VRK2: variants seen among roughly 807,000 people sequenced by gnomAD.
VRK2 encodes serine/threonine-protein kinase VRK2.
VRK2 carries 60 observed loss-of-function variants against 57.6 expected under a neutral mutation model. The observed-to-expected ratio is 1.04, with a 90% confidence interval of 0.85 to 1.29. The LOEUF (loss-of-function observed/expected upper bound fraction) is 1.29. Ranked by LOEUF, VRK2 falls within the 50% of genes most tolerant of loss-of-function variation. The pLI, the probability that VRK2 is intolerant of heterozygous loss-of-function variation, is 0.00. For missense variants in VRK2, 705 were observed against 588.1 expected (o/e 1.20, Z -2.06); for synonymous variants, 231 against 199.2 (o/e 1.16, Z -1.35).
chr2:58,096,719 ACTTTTT>A (rs1673193330), intron 7 of VRK2, among the ~76,000 whole-genome samples: 2 of 150,992 alleles, frequency 1.3e-5, no homozygotes, highest in African/African-American at 4.8e-5. Flanking sequence ...TTAATTTCTG[ACTTTTT>A]CTTTATCTTG....
chr2:57,984,224 A>T (rs985524374), intron 1 of VRK2, among the ~76,000 whole-genome samples: 1 of 152,150 alleles, frequency 6.6e-6, no homozygotes, highest in Non-Finnish European at 1.5e-5. Flanking sequence ...GTTCCATATG[A>T]ATAGTTTTTT....
At chr2:58,138,832 T>C (rs1235728341) in intron 10 of VRK2, among the ~76,000 whole-genome samples, 2 of 152,172 alleles carry the variant, frequency 1.3e-5, no homozygotes, top group East Asian at 3.8e-4. Flanking sequence ...TTAAATAGTA[T>C]TTGGTATTAT....
intron 7 of VRK2, among the ~76,000 whole-genome samples, chr2:58,115,239 CAGG>C (rs1283964030): frequency 2.3e-4 from 35 of 151,968 alleles, no homozygotes; most frequent in Non-Finnish European, 4.3e-4. Context: ...GGGTGAATAT[CAGG>C]TGGATCAGAG....
rs535952557 is a variant in VRK2, at chr2:58,125,988, A to G, written c.676+2755A>G. On this transcript the variant is annotated intron_variant, in intron 8 of 12. Coordinates refer to ENST00000340157, the MANE Select transcript of VRK2 (RefSeq NM_006296.7). ...CCATATCTAGAAACCAGAATAAACA[A>G]TGCCATAAAGCCTATAGGAAAATGC... Among the ~76,000 whole-genome samples the G allele has an allele frequency of 6.6e-5, 10 of 152,280 alleles. No homozygotes were observed. In the South Asian group the frequency reaches 1.9e-3, roughly 28 times the overall value.
At position 58,086,500 on chromosome 2, in the gene VRK2, A is replaced by G. The variant is rs946510019; in HGVS notation, c.344+74A>G. The G allele has an allele frequency of 5.4e-6, 7 of 1,298,566 alleles. No individual in the cohort carries two copies. In the Admixed American group the frequency reaches 1.3e-4, roughly 24 times the overall value. 80.4% of individuals were successfully genotyped at this position (1,298,566 alleles called of 1,614,324 possible). On this transcript the variant is annotated intron_variant, in intron 5 of 12. Coordinates refer to ENST00000340157, the MANE Select transcript of VRK2 (RefSeq NM_006296.7). ...TGTGGTCTATGAGTTAACTATTGCC[A>G]TGTAACAAATTACCAAAACATATTG...
chr2:57,990,379 A>C (rs77414374), intron 1 of VRK2, among the ~76,000 whole-genome samples: 5 of 152,216 alleles, frequency 3.3e-5, no homozygotes, highest in Non-Finnish European at 5.9e-5. Flanking sequence ...AGTGCAACAG[A>C]TAAACATGAC....
chr2:58,146,294 ATTAC>A lies in VRK2; in HGVS notation c.1024-16_1024-13del, dbSNP rs770980113. On this transcript the variant is annotated intron_variant, in intron 11 of 12. Transcript: ENST00000340157. Reference sequence around the variant, plus strand: ...ATACCAAAAGTTTTCATTATATATTATTACTTACTCTATACCAACAGGTTGATTC... The same window carrying A: ...ATACCAAAAGTTTTCATTATATATTATTACTCTATACCAACAGGTTGATTC... 3.2e-5 allele frequency: 51 copies of A among 1,573,232 alleles called. No individual in the cohort carries two copies. In the Admixed American group the frequency reaches 5.5e-4, roughly 17 times the overall value.
At chr2:58,062,368 T>C (rs1677479741) in intron 2 of VRK2, among the ~76,000 whole-genome samples, 1 of 152,082 alleles carries the variant, frequency 6.6e-6, no homozygotes, top group Non-Finnish European at 1.5e-5. Flanking sequence ...TTAATAACCC[T>C]AACGTGGCCT....
chr2:57,989,312 G>A (rs1402262661), intron 1 of VRK2, among the ~76,000 whole-genome samples: 1 of 152,132 alleles, frequency 6.6e-6, no homozygotes, highest in South Asian at 2.1e-4. Context: ...GAAAGTGATT[G>A]GGTGGTATTT....
In VRK2 at chr2:58,159,402, A is replaced by G; in HGVS notation, c.1236A>G (p.Glu412=). Residue 412 remains glutamate, a synonymous_variant, in exon 13 of 13, where the codon GAA becomes GAG. Coordinates refer to ENST00000340157, the MANE Select transcript of VRK2 (RefSeq NM_006296.7). The part of the protein sequence containing the change: ...KYQESQEPLN[E]VNSFPQKISY... ...AAGAGTCTCAAGAACCTTTGAATGA[A>G]GTAAACAGTTTCCCACAAAAAATCA... is the stretch of plus-strand genomic sequence containing the variant. 1 of 1,613,548 alleles carries G rather than the reference A, an allele frequency of 6.2e-7. No homozygotes were observed. Among genetic ancestry groups the G allele is most frequent in the Non-Finnish European group, 8.5e-7 (1 of 1,179,686 alleles).
At chr2:57,988,530 A>C (rs1436561907) in intron 1 of VRK2, among the ~76,000 whole-genome samples, 1 of 152,236 alleles carries the variant, frequency 6.6e-6, no homozygotes, top group Non-Finnish European at 1.5e-5. Context: ...CACCCTAATC[A>C]ATATGGGGAG....
chr2:58,082,515 C>G (rs371280704), intron 2 of VRK2, among the ~76,000 whole-genome samples: 3 of 151,944 alleles, frequency 2.0e-5, no homozygotes, highest in Admixed American at 2.0e-4. Context: ...TCTCCTTAGC[C>G]TTGGAAACCA....
chr2:58,024,086 C>A (rs1012672340), intron 1 of VRK2, among the ~76,000 whole-genome samples: 1 of 151,586 alleles, frequency 6.6e-6, no homozygotes, highest in Non-Finnish European at 1.5e-5. Flanking sequence ...CCCGGGTTCA[C>A]GTCATTCTCC....
At chr2:58,024,064 C>T (rs190882445) in intron 1 of VRK2, among the ~76,000 whole-genome samples, 1 of 151,336 alleles carries the variant, frequency 6.6e-6, no homozygotes, top group East Asian at 1.9e-4. Context: ...TGGCTCACTG[C>T]CAGCTCCGCC....
chr2:58,017,542 A>G (rs1217287577), intron 1 of VRK2, among the ~76,000 whole-genome samples: 3 of 152,106 alleles, frequency 2.0e-5, no homozygotes, highest in Admixed American at 2.0e-4. Context: ...CTGTTATCCA[A>G]CACTGCTAAT....
At chr2:57,960,068 G>A (rs1371474983) in intron 1 of VRK2, among the ~76,000 whole-genome samples, 6 of 146,466 alleles carry the variant, frequency 4.1e-5, no homozygotes, top group Non-Finnish European at 9.0e-5. Context: ...GGCGGGGGGA[G>A]GTGTGTGACG....
At chr2:58,022,281 T>G (rs1203096424) in intron 1 of VRK2, among the ~76,000 whole-genome samples, 1 of 152,204 alleles carries the variant, frequency 6.6e-6, no homozygotes, top group Non-Finnish European at 1.5e-5. Context: ...AGAAAGTAAT[T>G]ACTTGAAAAG....
intron 1 of VRK2, among the ~76,000 whole-genome samples, chr2:57,995,963 A>G (rs1012326407): frequency 6.6e-6 from 1 of 152,204 alleles, no homozygotes; most frequent in East Asian, 1.9e-4. Context: ...ATTTCAACCA[A>G]TCATGGATTG....
rs1684837368 is a variant in VRK2, at chr2:58,159,868, G to A, written c.*175G>A. 7 of 1,598,990 alleles carry A rather than the reference G, an allele frequency of 4.4e-6. No individual in the cohort carries two copies. The South Asian group carries it at 6.7e-5, about 15-fold the overall frequency. ...TAAAAAATAAAATTGCTTTGTACTA[G>A]AAATAGTGTCATAGAATAGTGTCAT... On this transcript the variant is annotated 3_prime_UTR_variant, in exon 13 of 13. Transcript: ENST00000340157.
Sources: gnomAD v4.1 joint callset for allele counts (sites outside exome capture counted in the v4.1 genomes callset) on GRCh38, gnomAD v4.1.1 for gene constraint, MANE v1.5 for transcripts, NCBI Gene and HGNC (gene_info 2026-07-23, HGNC 2026-07-21) for gene names.